RANBP2: variants seen among roughly 807,000 people sequenced by gnomAD.
The protein encoded by RANBP2 is E3 SUMO-protein ligase RanBP2.
Under a neutral mutation model 303.6 loss-of-function variants are expected in RANBP2, and 57 were observed. That is an observed-to-expected ratio of 0.19 (90% CI 0.15 to 0.23). The LOEUF is 0.23. Ranked by LOEUF, RANBP2 falls within the 10% of genes least tolerant of loss-of-function variation. The probability of loss-of-function intolerance (pLI) is 1.00; values close to 1 mark genes in which losing one functional copy is unlikely to be tolerated. For synonymous variants in RANBP2, 1,167 were observed against 1,301.5 expected, an observed-to-expected ratio of 0.90 and a Z score of 2.23; for missense variants, 3,138 against 3,780.8, an observed-to-expected ratio of 0.83 and a Z score of 4.46.
At chr2:108,955,986 G>A in the RANBP2 span, among the ~76,000 whole-genome samples, 7 of 152,032 alleles carry the variant, frequency 4.6e-5, no homozygotes. Flanking sequence ...CCGAGATGGT[G>A]CCACTGTACT....
the RANBP2 span, among the ~76,000 whole-genome samples, chr2:109,560,209 C>T: frequency 9.2e-5 from 14 of 152,332 alleles, no homozygotes; most frequent in Middle Eastern, 3.4e-3. Flanking sequence ...CGTGAGCCAC[C>T]GGGCCTGGCC....
chr2:109,100,168 A>G, the RANBP2 span, among the ~76,000 whole-genome samples: 6 of 152,224 alleles, frequency 3.9e-5, no homozygotes, highest in African/African-American at 1.4e-4. Context: ...TCTCTAACGC[A>G]GGGGTCCCCA....
the RANBP2 span, among the ~76,000 whole-genome samples, chr2:109,644,824 C>A: frequency 6.6e-6 from 1 of 152,168 alleles, no homozygotes; most frequent in East Asian, 1.9e-4. Flanking sequence ...CCCCCGGCTG[C>A]TTGTCAATAT....
chr2:108,862,864 C>G, the RANBP2 span, among the ~76,000 whole-genome samples: 1 of 151,950 alleles, frequency 6.6e-6, no homozygotes, highest in Non-Finnish European at 1.5e-5. Context: ...CTATGTTTAT[C>G]TGTTTAAAAT....
At chr2:109,176,844 GT>G in the RANBP2 span, among the ~76,000 whole-genome samples, 1 of 152,216 alleles carries the variant, frequency 6.6e-6, no homozygotes, top group Non-Finnish European at 1.5e-5. Context: ...TTGTTGAACA[GT>G]TTTCAGCCCA....
the RANBP2 span, among the ~76,000 whole-genome samples, chr2:108,949,490 C>T: frequency 1.3e-5 from 2 of 152,222 alleles, no homozygotes; most frequent in Non-Finnish European, 2.9e-5. Context: ...CTGCGTCCCA[C>T]AACTCTATGG....
chr2:109,612,363 C>G, the RANBP2 span, among the ~76,000 whole-genome samples: 3 of 152,118 alleles, frequency 2.0e-5, no homozygotes, highest in Non-Finnish European at 4.4e-5. Flanking sequence ...TCCTCCTGGT[C>G]CTGGGAACAT....
chr2:108,947,742 T>G, the RANBP2 span, among the ~76,000 whole-genome samples: 1 of 152,108 alleles, frequency 6.6e-6, no homozygotes, highest in African/African-American at 2.4e-5. Context: ...ACAGGGCCCA[T>G]GAAACCATTT....
chr2:108,875,955 T>G, the RANBP2 span: 1 of 577,750 alleles, frequency 1.7e-6, no homozygotes. Context: ...AATCTTTTAG[T>G]TGCCTATTTT....
the RANBP2 span, among the ~76,000 whole-genome samples, chr2:109,602,242 G>T: frequency 6.6e-6 from 1 of 152,180 alleles, no homozygotes; most frequent in Non-Finnish European, 1.5e-5. Context: ...GAAAGTTTGT[G>T]ATGTGAAGAA....
At chr2:109,003,772 C>T in the RANBP2 span, among the ~76,000 whole-genome samples, 16 of 152,190 alleles carry the variant, frequency 1.1e-4, no homozygotes, top group Admixed American at 9.8e-4. Context: ...GGTGCAACTC[C>T]AGCAGCTCTA....
At chr2:109,409,950 A>T in the RANBP2 span, among the ~76,000 whole-genome samples, 2 of 152,006 alleles carry the variant, frequency 1.3e-5, no homozygotes, top group African/African-American at 4.8e-5. Context: ...AAATGAGGAG[A>T]TGTTTCTTCT....
At chr2:109,608,984 T>A in the RANBP2 span, among the ~76,000 whole-genome samples, 1 of 152,222 alleles carries the variant, frequency 6.6e-6, no homozygotes. Flanking sequence ...AGGGACTCTA[T>A]CCTGCAGTAG....
At chr2:109,615,476 G>C in the RANBP2 span, 4 of 1,613,512 alleles carry the variant, frequency 2.5e-6, no homozygotes, top group South Asian at 4.4e-5. Context: ...ACAAACACCA[G>C]CTGCCGGTGA....
At chr2:109,030,022 G>C in the RANBP2 span, among the ~76,000 whole-genome samples, 9 of 152,186 alleles carry the variant, frequency 5.9e-5, no homozygotes, top group African/African-American at 1.9e-4. Context: ...GTGCCAGTTC[G>C]AGTGTGTGGG....
At chr2:109,215,851 G>T in the RANBP2 span, among the ~76,000 whole-genome samples, 1 of 152,168 alleles carries the variant, frequency 6.6e-6, no homozygotes, top group Non-Finnish European at 1.5e-5. Flanking sequence ...TTCTGACATG[G>T]AAGCAGATGT....
At chr2:109,499,672 G>T in the RANBP2 span, among the ~76,000 whole-genome samples, 1 of 152,212 alleles carries the variant, frequency 6.6e-6, no homozygotes, top group Non-Finnish European at 1.5e-5. Context: ...TTAGAGGAAG[G>T]CTCTCCTGGG....
At chr2:108,910,885 T>TC in the RANBP2 span, 1 of 1,614,002 alleles carries the variant, frequency 6.2e-7, no homozygotes, top group East Asian at 2.2e-5. Context: ...AGCCAGGCTC[T>TC]CCGACAGGGG....
the RANBP2 span, among the ~76,000 whole-genome samples, chr2:109,609,258 G>A: frequency 6.6e-6 from 1 of 152,142 alleles, no homozygotes; most frequent in South Asian, 2.1e-4. Flanking sequence ...GAATAAAATT[G>A]TCCAAGATAA....
Sources: allele counts gnomAD v4.1 joint callset (sites outside exome capture counted in the v4.1 genomes callset), GRCh38; gene constraint gnomAD v4.1.1; transcripts MANE v1.5; gene names NCBI Gene and HGNC (gene_info 2026-07-23, HGNC 2026-07-21).